The following TCEA2 variants were observed in gnomAD, a reference collection of about 807,000 sequenced individuals.
The protein encoded by TCEA2 is transcription elongation factor A protein 2.
Under a neutral mutation model 40.8 loss-of-function variants are expected in TCEA2, and 21 were observed. The ratio of observed to expected loss-of-function variants is 0.51; its 90% CI spans 0.36 to 0.74. The LOEUF (loss-of-function observed/expected upper bound fraction) is 0.74, where lower values mean the gene tolerates loss of function less well. Among genes scored for constraint, TCEA2 ranks in the 30% least tolerant of loss-of-function variants. The pLI, the probability that TCEA2 is intolerant of heterozygous loss-of-function variation, is 0.00. For missense variants in TCEA2, 326 were observed against 426.5 expected, an observed-to-expected ratio of 0.76 and a Z score of 2.08; for synonymous variants, 165 against 162.7, an observed-to-expected ratio of 1.01 and a Z score of -0.11.
At chr20:64,066,855 G>C in intron 2 of TCEA2, 60 bp from the exon 3 acceptor site, 1 of 1,529,496 alleles carries the variant, frequency 6.5e-7, no homozygotes, top group East Asian at 2.3e-5. Flanking sequence ...GCTCTGCCAG[G>C]AGAATCTGAC....
intron 1 of TCEA2, chr20:64,066,243 G>C (rs551938009): frequency 2.3e-5 from 11 of 482,632 alleles, no homozygotes; most frequent in Non-Finnish European, 3.4e-5. Flanking sequence ...GAATGCTTGA[G>C]GCTGCAGAAC....
At chr20:64,064,978 C>G (rs2145468178) in intron 1 of TCEA2, among the ~76,000 whole-genome samples, 1 of 152,034 alleles carries the variant, frequency 6.6e-6, no homozygotes, top group African/African-American at 2.4e-5. Flanking sequence ...CTGGGCAGAA[C>G]TGATGGGGGG....
chr20:64,059,901 C>T (rs1162220414), upstream of TCEA2, among the ~76,000 whole-genome samples: 10 of 152,142 alleles, frequency 6.6e-5, no homozygotes, highest in Admixed American at 2.0e-4. Flanking sequence ...CAGAACCTTG[C>T]GCTTGTCCAT....
intron 4 of TCEA2, among the ~76,000 whole-genome samples, chr20:64,068,543 C>T (rs2145493764): frequency 6.6e-6 from 1 of 152,388 alleles, no homozygotes; most frequent in Admixed American, 6.5e-5. Context: ...GCCAACTCCC[C>T]TCCTGCCCTG....
In TCEA2 at chr20:64,070,620, C is replaced by T; in HGVS notation, c.804C>T (p.Asn268=). 3 of 1,603,956 alleles carry T rather than the reference C, an allele frequency of 1.9e-6. No individual in the cohort carries two copies. Among genetic ancestry groups the T allele is most frequent in the Non-Finnish European group, 1.7e-6 (2 of 1,175,440 alleles). Residue 268 remains asparagine, a synonymous_variant, in exon 8 of 10, where the codon AAC becomes AAT. Coordinates refer to ENST00000343484, the MANE Select transcript of TCEA2 (RefSeq NM_003195.6). Reference sequence around the variant, plus strand: ...CCTGCGGCAAGTGCAGGAAAAAGAACTGCACCTACACACAGGTGAGCGGCC... The same window carrying T: ...CCTGCGGCAAGTGCAGGAAAAAGAATTGCACCTACACACAGGTGAGCGGCC... ...LFTCGKCRKK[N]CTYTQVQTRS...
chr20:64,061,119 T>TG (rs1569242955), upstream of TCEA2, among the ~76,000 whole-genome samples: 2 of 144,606 alleles, frequency 1.4e-5, no homozygotes, highest in South Asian at 2.2e-4. Context: ...TTTTTTTTTT[T>TG]GGAGACAGTC....
upstream of TCEA2, chr20:64,062,386 CAATG>C (rs1392482726): frequency 8.5e-5 from 13 of 152,338 alleles, no homozygotes; most frequent in African/African-American, 2.9e-4. Context: ...ACAACAATGT[CAATG>C]AACACTAATT....
intron 1 of TCEA2, chr20:64,065,544 A>T (rs1302964128): frequency 2.6e-5 from 3 of 113,414 alleles, no homozygotes; most frequent in Non-Finnish European, 3.7e-5. Context: ...GGAGGGAGGG[A>T]GGGAGGGAGA....
intron 1 of TCEA2, chr20:64,066,267 G>T (rs2059691348): frequency 1.8e-6 from 1 of 551,768 alleles, no homozygotes. Flanking sequence ...TCCCCTTCTT[G>T]ACTGAGCAGT....
At chr20:64,061,267 ATT>A (rs71197442), upstream of TCEA2, among the ~76,000 whole-genome samples, 1 of 144,514 alleles carries the variant, frequency 6.9e-6, no homozygotes, top group African/African-American at 2.6e-5. Flanking sequence ...CGCCCGGCTA[ATT>A]TTTTTTTTGT....
upstream of TCEA2, among the ~76,000 whole-genome samples, chr20:64,061,775 C>G (rs2059570080): frequency 2.0e-5 from 3 of 152,096 alleles, no homozygotes. Context: ...TTGGCCAGGG[C>G]TGGAGTGCAA....
At position 64,066,333 on chromosome 20, in the gene TCEA2, G is replaced by A. The variant is rs370870625; in HGVS notation, c.73-143G>A. On this transcript the variant is annotated intron_variant, in intron 1 of 9. Coordinates refer to ENST00000343484, the MANE Select transcript of TCEA2 (RefSeq NM_003195.6). Reference sequence around the variant, plus strand: ...TGGGCAGAGCCCTGGGTGTCTCCAGGTAGAGGAATTTTGGTTTCTTTTTGA... The same window carrying A: ...TGGGCAGAGCCCTGGGTGTCTCCAGATAGAGGAATTTTGGTTTCTTTTTGA... 4.3e-3 allele frequency: 4,048 copies of A among 938,368 alleles called. 150 individuals carry two copies. The South Asian group carries it at 0.055, about 13-fold the overall frequency. The allele number at this position is 938,368 out of a possible 1,614,324, so 58.1% of individuals were successfully genotyped here. A position where few individuals can be genotyped will look rare whatever the true frequency, so the allele number is the denominator to read the frequency against.
upstream of TCEA2, among the ~76,000 whole-genome samples, chr20:64,059,285 G>A (rs2059519059): frequency 1.3e-5 from 2 of 151,830 alleles, no homozygotes; most frequent in African/African-American, 4.8e-5. Flanking sequence ...CTGACCCCCT[G>A]GATTGTTGAG....
intron 3 of TCEA2, among the ~76,000 whole-genome samples, 195 bp from the exon 4 acceptor site, chr20:64,067,852 G>A (rs951198519): frequency 2.6e-5 from 4 of 152,194 alleles, no homozygotes; most frequent in Admixed American, 2.0e-4. Flanking sequence ...CAGGTTGCTG[G>A]GGAGGGTGAG....
At chr20:64,066,819 G>C (rs1283529357) in intron 2 of TCEA2, 96 bp from the exon 3 acceptor site, 3 of 1,254,976 alleles carry the variant, frequency 2.4e-6, no homozygotes, top group Middle Eastern at 3.8e-4. Context: ...GAGGTCCCGG[G>C]CTCCTGTCCT....
chr20:64,070,754 C>G, intron 8 of TCEA2, 119 bp downstream of exon 8: 1 of 1,369,810 alleles, frequency 7.3e-7, no homozygotes, highest in Non-Finnish European at 9.7e-7. Flanking sequence ...CCTCTCAGTC[C>G]CTGAGTAGGC....
upstream of TCEA2, among the ~76,000 whole-genome samples, chr20:64,056,296 C>T (rs2059472743): frequency 6.6e-6 from 1 of 152,146 alleles, no homozygotes; most frequent in African/African-American, 2.4e-5. Context: ...GAGCAGTGGG[C>T]CCAGTCCCCA....
intron 3 of TCEA2, among the ~76,000 whole-genome samples, chr20:64,067,646 C>T (rs1246741226): frequency 6.6e-6 from 1 of 152,246 alleles, no homozygotes; most frequent in Non-Finnish European, 1.5e-5. Flanking sequence ...GTGCATGGCA[C>T]AAGCATGTCC....
At chr20:64,059,134 A>G (rs1356598211), upstream of TCEA2, among the ~76,000 whole-genome samples, 1 of 149,240 alleles carries the variant, frequency 6.7e-6, no homozygotes, top group Non-Finnish European at 1.5e-5. Context: ...CGGAGGTTGC[A>G]GTGAGCCAAG....
Sources: allele counts gnomAD v4.1 joint callset (sites outside exome capture counted in the v4.1 genomes callset), GRCh38; gene constraint gnomAD v4.1.1; transcripts MANE v1.5; gene names NCBI Gene and HGNC (gene_info 2026-07-23, HGNC 2026-07-21).